TNK2: variants seen among roughly 807,000 people sequenced by gnomAD.
TNK2 encodes the protein activated CDC42 kinase 1.
In TNK2, 83 loss-of-function variants were observed where a neutral mutation model predicts 101.8. The ratio of observed to expected loss-of-function variants is 0.82; its 90% CI spans 0.68 to 0.98. TNK2 has a LOEUF of 0.98. TNK2 is among the 50% of genes least tolerant of loss of function. TNK2 has a pLI of 0.00. For missense variants in TNK2, 1,665 were observed against 1,483.2 expected (o/e 1.12, Z -2.01); for synonymous variants, 804 against 633.0 (o/e 1.27, Z -4.06).
chr3:195,881,331 A>C (rs1338928042), intron 6 of TNK2, among the ~76,000 whole-genome samples: 2 of 2,196 alleles, frequency 9.1e-4, no homozygotes, highest in African/African-American at 2.4e-3. Flanking sequence ...TCCCTCTAAC[A>C]CCCCCCCAGC....
intron 1 of TNK2, among the ~76,000 whole-genome samples, chr3:195,890,387 G>A (rs1297524197): frequency 6.6e-6 from 1 of 151,400 alleles, no homozygotes; most frequent in Admixed American, 6.6e-5. Context: ...AGGTGTTTAT[G>A]ATCATGCAAA....
chr3:195,867,129 A>G, intron 14 of TNK2, 40 bp downstream of exon 14: 2 of 1,609,790 alleles, frequency 1.2e-6, no homozygotes, highest in Non-Finnish European at 1.7e-6. Context: ...ACCAGGCTTC[A>G]GGGTCCCTGA....
chr3:195,876,789 G>A, intron 9 of TNK2: 1 of 367,292 alleles, frequency 2.7e-6, no homozygotes, highest in Non-Finnish European at 5.4e-6. Flanking sequence ...CCTCCCAGGA[G>A]CAGCCGCTCC....
intron 10 of TNK2, chr3:195,870,442 C>G (rs766882383): frequency 7.4e-7 from 1 of 1,352,230 alleles, no homozygotes; most frequent in South Asian, 1.2e-5. Context: ...CTCAGGGACT[C>G]CAACTACACC....
chr3:195,871,517 T>TGCAGGGGTCACAGGGTC (rs1745293287), intron 10 of TNK2, among the ~76,000 whole-genome samples: 1 of 152,120 alleles, frequency 6.6e-6, no homozygotes, highest in Non-Finnish European at 1.5e-5. Context: ...ACTGCTCGTG[T>TGCAGGGGTCACAGGGTC]GCAGGGGTCA....
intron 1 of TNK2, among the ~76,000 whole-genome samples, chr3:195,889,984 C>T (rs1320384819): frequency 1.3e-5 from 2 of 152,246 alleles, no homozygotes; most frequent in African/African-American, 2.4e-5. Context: ...CAGGCACACA[C>T]AGCCTGGGCC....
Position 195,882,432 on chromosome 3 carries a change from A to G in TNK2, c.610-104T>C. On this transcript the variant is annotated intron_variant, in intron 5 of 15. Transcript: ENST00000672887. This position sits in a 1 kb window ranked among gnomAD's most constrained non-coding sequence, Gnocchi z 4.2. ...CCCTTCCTGAAGGCTTTCCAGAGCC[A>G]GGCTGCACGCACCTTCCTGGCCTGC... The G allele has an allele frequency of 1.3e-6, 2 of 1,564,080 alleles. No individual in the cohort carries two copies. Among genetic ancestry groups the G allele is most frequent in the Non-Finnish European group, 1.7e-6 (2 of 1,154,634 alleles).
chr3:195,881,454 G>A (rs1752778647), intron 6 of TNK2, among the ~76,000 whole-genome samples: 1 of 113,624 alleles, frequency 8.8e-6, no homozygotes, highest in African/African-American at 3.7e-5. Context: ...GATGCCCCTT[G>A]GAGAGGACAC....
intron 2 of TNK2, among the ~76,000 whole-genome samples, chr3:195,887,680 TA>T (rs1326459936): frequency 4.6e-5 from 7 of 152,206 alleles, no homozygotes; most frequent in Non-Finnish European, 1.0e-4. Context: ...CCCCCACTTT[TA>T]GGAAAAATAT....
Position 195,867,851 on chromosome 3 carries a change from G to T in TNK2, c.2447C>A (p.Ser816Tyr). 2 of 1,531,612 alleles carry T rather than the reference G, an allele frequency of 1.3e-6. No homozygotes were observed. The highest frequency in any genetic ancestry group is 8.7e-7 in the Non-Finnish European group (1 of 1,144,316). The allele number at this position is 1,531,612 out of a possible 1,614,324, so 94.9% of individuals were successfully genotyped here. Reference protein sequence around the residue: ...TPSPLVPPGSSPLPPRLSSSP... With the variant: ...TPSPLVPPGSYPLPPRLSSSP... ...GCTTGAGAGCCGGGGTGGCAGCGGG[G>T]AGCTGCCAGGTGGTACCAGGGGGCT... The change falls in exon 13 of 16, where the codon TCC becomes TAC. Residue 816 changes from serine to tyrosine, a missense_variant. Transcript: ENST00000672887.
intron 1 of TNK2, among the ~76,000 whole-genome samples, chr3:195,897,216 C>T (rs930786803): frequency 9.9e-5 from 15 of 152,248 alleles, no homozygotes; most frequent in Admixed American, 2.6e-4. Context: ...GGCTGGGTGC[C>T]CTCAGAACCT....
chr3:195,885,507 G>T lies in TNK2; in HGVS notation c.235-474C>A. On this transcript the variant is annotated intron_variant, in intron 3 of 15. Coordinates refer to ENST00000672887, the MANE Select transcript of TNK2 (RefSeq NM_001382273.1). This position sits in a 1 kb window ranked among gnomAD's most constrained non-coding sequence, Gnocchi z 4.7. Reference sequence around the variant, plus strand: ...CTGGCCTGACCATTTGGTGCTGTCTGTCTCCACCCTCACCAGGGAGTCGGC... The same window carrying T: ...CTGGCCTGACCATTTGGTGCTGTCTTTCTCCACCCTCACCAGGGAGTCGGC... 1 of 1,294,874 alleles carries T rather than the reference G, an allele frequency of 7.7e-7. No homozygotes were observed. Among genetic ancestry groups the T allele is most frequent in the Non-Finnish European group, 1.0e-6 (1 of 992,450 alleles). 80.2% of individuals were successfully genotyped at this position (1,294,874 alleles called of 1,614,324 possible).
Position 195,868,210 on chromosome 3 carries a change from AG to A in TNK2, c.2087del (p.Pro696LeufsTer35), listed in dbSNP as rs751137385. On this transcript the variant is annotated frameshift_variant, in exon 13 of 16. Coordinates refer to ENST00000672887, the MANE Select transcript of TNK2 (RefSeq NM_001382273.1). LOFTEE classifies it high-confidence loss of function. ...GGAGGAACAGGTTGTCCTCCAGGGG[AG>A]GGGGCGGCCGCGCCTGCTCAGGCAC... ...AFVPEQARPPPPLEDNLFLPP... is the reference protein window; with the variant it reads ...AFVPEQARPPXPLEDNLFLPP... 8 of 1,607,564 alleles carry A rather than the reference AG, an allele frequency of 5.0e-6. No homozygotes were observed. Among genetic ancestry groups the A allele is most frequent in the Admixed American group, 1.7e-5 (1 of 59,728 alleles).
intron 6 of TNK2, 133 bp from the exon 7 acceptor site, chr3:195,879,308 C>A (rs189317160): frequency 7.1e-7 from 1 of 1,409,302 alleles, no homozygotes. Context: ...GTCTCAGGGG[C>A]GCCGTGTGAA....
rs960144749 is a variant in TNK2 at position 195,882,449 on chromosome 3, C to G, written c.610-121G>C. On this transcript the variant is annotated intron_variant, in intron 5 of 15. Coordinates refer to ENST00000672887, the MANE Select transcript of TNK2 (RefSeq NM_001382273.1). The surrounding 1 kb of genome is among the most constrained non-coding windows in gnomAD (Gnocchi z 4.2). The stretch of plus-strand genomic sequence containing the variant: ...CCAGAGCCAGGCTGCACGCACCTTC[C>G]TGGCCTGCTGTCTGGGGACCTCTAG... 6 of 1,553,908 alleles carry G rather than the reference C, an allele frequency of 3.9e-6. No individual in the cohort carries two copies. In the African/African-American group the frequency reaches 8.2e-5, roughly 21 times the overall value.
rs1030530769 is a variant in TNK2, at chr3:195,886,565, C to A, written c.234+412G>T. ...CAGCAGGGACAGATGACCAGAGAAACCCAGAGATTAGAGAGGGTCAGGGAG... is the reference window on the plus strand; with the variant it reads ...CAGCAGGGACAGATGACCAGAGAAAACCAGAGATTAGAGAGGGTCAGGGAG... On this transcript the variant is annotated intron_variant, in intron 3 of 15. Transcript: ENST00000672887. This position sits in a 1 kb window ranked among gnomAD's most constrained non-coding sequence, Gnocchi z 4.2. 6.6e-6 allele frequency among the ~76,000 whole-genome samples: 1 copy of A among 152,024 alleles called. No individual in the cohort carries two copies.
intron 10 of TNK2, 114 bp downstream of exon 10, chr3:195,872,162 G>T: frequency 8.1e-7 from 1 of 1,240,440 alleles, no homozygotes; most frequent in Non-Finnish European, 1.1e-6. Flanking sequence ...GGCGGGTCGG[G>T]GGCTGAAGCC....
chr3:195,867,249 G>C lies in TNK2; in HGVS notation c.2953C>G (p.His985Asp). 6.2e-7 allele frequency: 1 copy of C among 1,612,724 alleles called. No homozygotes were observed. Among genetic ancestry groups the C allele is most frequent in the South Asian group, 1.1e-5 (1 of 91,064 alleles). The change falls in exon 14 of 16, where the codon CAT (histidine) becomes GAT (aspartate). Residue 985 changes from histidine to aspartate, a missense_variant. This residue lies in a region of TNK2 where 1,136 missense variants were observed against 894.9 expected (regional missense o/e 1.27). Transcript: ENST00000672887. ...TGGCACTCCTCTGTGGTCACCCCATGCACCATGGCCTGCAGCTGGGCACAC... is the reference window on the plus strand; with the variant it reads ...TGGCACTCCTCTGTGGTCACCCCATCCACCATGGCCTGCAGCTGGGCACAC... ...DKIQMLQAMVHGVTTEECQAA... is the reference protein window; with the variant it reads ...DKIQMLQAMVDGVTTEECQAA...
At chr3:195,874,163 G>C (rs1357084966) in intron 9 of TNK2, among the ~76,000 whole-genome samples, 1 of 152,238 alleles carries the variant, frequency 6.6e-6, no homozygotes, top group Non-Finnish European at 1.5e-5. Flanking sequence ...GCCGGACTCT[G>C]CTCTCCACAC....
Sources: allele counts gnomAD v4.1 joint callset (sites outside exome capture counted in the v4.1 genomes callset), GRCh38; gene constraint gnomAD v4.1.1; regional missense constraint gnomAD v4.1.1; non-coding constraint Gnocchi (gnomAD v3.1); transcripts MANE v1.5; gene names NCBI Gene and HGNC (gene_info 2026-07-23, HGNC 2026-07-21).